The following SLC4A7 variants were observed in gnomAD, a reference collection of about 807,000 sequenced individuals.
SLC4A7 encodes sodium bicarbonate cotransporter 3.
A neutral mutation model predicts 137.6 loss-of-function variants in SLC4A7; 51 were observed. That is an observed-to-expected ratio of 0.37 (90% CI 0.30 to 0.47). The LOEUF (loss-of-function observed/expected upper bound fraction) is 0.47. Ranked by LOEUF, SLC4A7 falls within the 20% of genes least tolerant of loss-of-function variation. The pLI, the probability that SLC4A7 is intolerant of heterozygous loss-of-function variation, is 1.00. For missense variants in SLC4A7, 1,247 were observed against 1,525.4 expected (o/e 0.82, Z 3.04); for synonymous variants, 542 against 518.6 (o/e 1.05, Z -0.61).
chr3:27,390,775 G>A (rs2051458842), intron 21 of SLC4A7, among the ~76,000 whole-genome samples: 1 of 152,122 alleles, frequency 6.6e-6, no homozygotes, highest in African/African-American at 2.4e-5. Context: ...ATGAGAAGAG[G>A]TGGTCATGTA....
At chr3:27,392,422 T>A (rs536267448) in intron 20 of SLC4A7, among the ~76,000 whole-genome samples, 1 of 152,170 alleles carries the variant, frequency 6.6e-6, no homozygotes, top group South Asian at 2.1e-4. Context: ...AAGTGTACTA[T>A]AAGGAACAAC....
At chr3:27,430,672 A>C (rs2056182509) in intron 7 of SLC4A7, among the ~76,000 whole-genome samples, 1 of 151,892 alleles carries the variant, frequency 6.6e-6, no homozygotes, top group African/African-American at 2.4e-5. Context: ...CCACAAAAAA[A>C]TACAAAAAAT....
At chr3:27,469,129 A>G (rs1161179294) in intron 1 of SLC4A7, among the ~76,000 whole-genome samples, 1 of 151,982 alleles carries the variant, frequency 6.6e-6, no homozygotes, top group Non-Finnish European at 1.5e-5. Flanking sequence ...AAAAAAACTT[A>G]AATACTAGGT....
At chr3:27,420,873 A>T in intron 9 of SLC4A7, 86 bp from the exon 10 acceptor site, 1 of 885,532 alleles carries the variant, frequency 1.1e-6, no homozygotes, top group Non-Finnish European at 1.8e-6. Context: ...CCATTCAAAT[A>T]TAAACAAAGA....
Position 27,379,248 on chromosome 3 carries a change from C to T in SLC4A7, c.3698+1G>A. 1 of 1,494,784 alleles carries T rather than the reference C, an allele frequency of 6.7e-7. No individual in the cohort carries two copies. Among genetic ancestry groups the T allele is most frequent in the South Asian group, 1.2e-5 (1 of 83,276 alleles). 92.6% of individuals were successfully genotyped at this position (1,494,784 alleles called of 1,614,324 possible). A position where few individuals can be genotyped will look rare whatever the true frequency, so the allele number is the denominator to read the frequency against. On this transcript the variant is annotated splice_donor_variant, in intron 25 of 25. Coordinates refer to ENST00000454389, the MANE Select transcript of SLC4A7 (RefSeq NM_001321103.2). LOFTEE classifies it high-confidence loss of function. ...GAAAACACACAAATAGTTATAACTACCTCATGTTAGATCTGGTTACTTTGG... is the reference window on the plus strand; with the variant it reads ...GAAAACACACAAATAGTTATAACTATCTCATGTTAGATCTGGTTACTTTGG...
At chr3:27,437,994 C>T (rs1209712741) in intron 3 of SLC4A7, among the ~76,000 whole-genome samples, 1 of 151,992 alleles carries the variant, frequency 6.6e-6, no homozygotes, top group African/African-American at 2.4e-5. Context: ...GTCAGGAGCT[C>T]GAGACCAGCC....
At position 27,431,597 on chromosome 3, in the gene SLC4A7, T is replaced by C. The variant is rs1175856738; in HGVS notation, c.851A>G (p.Glu284Gly). ...LSASNLSLRG[E>G]SPLSLLLGHL... ...ACCAAGAAGAAGAGATAAAGGTGAT[T>C]CTCCTCTCAAGGAAAGGTTTGAGGC... The change falls in exon 7 of 26, where the codon GAA (glutamate) becomes GGA (glycine). Residue 284 changes from glutamate to glycine, a missense_variant. Around this residue, in one of 6 missense-constraint regions of SLC4A7, gnomAD observed 223 missense variants for 203.6 expected, o/e 1.10. Coordinates refer to ENST00000454389, the MANE Select transcript of SLC4A7 (RefSeq NM_001321103.2). 3 of 1,613,738 alleles carry C rather than the reference T, an allele frequency of 1.9e-6. No homozygotes were observed. Among genetic ancestry groups the C allele is most frequent in the Non-Finnish European group, 2.5e-6 (3 of 1,179,882 alleles).
chr3:27,385,892 C>T lies in SLC4A7; in HGVS notation c.3492G>A (p.Glu1164=). The T allele has an allele frequency of 6.5e-7, 1 of 1,537,208 alleles. No individual in the cohort carries two copies. Among genetic ancestry groups the T allele is most frequent in the Non-Finnish European group, 8.9e-7 (1 of 1,121,474 alleles). The change falls in exon 23 of 26, where the codon GAG becomes GAA. Residue 1164 remains glutamate, a splice_region_variant and synonymous_variant. Transcript: ENST00000454389. The part of the protein sequence containing the change: ...KEDDKKKKEK[E]EAERMLQDDD... ...AAGTTTAAAATTGTTATCTTTTTAC[C>T]TCTTTCTCTTTTTTCTTTTTGTCAT...
chr3:27,413,651 A>T (rs892866390), intron 11 of SLC4A7, among the ~76,000 whole-genome samples: 1 of 152,224 alleles, frequency 6.6e-6, no homozygotes, highest in African/African-American at 2.4e-5. Flanking sequence ...ATTTGATAAA[A>T]TTCTACATCA....
intron 7 of SLC4A7, among the ~76,000 whole-genome samples, chr3:27,430,049 C>T (rs1286018913): frequency 1.3e-5 from 2 of 151,534 alleles, no homozygotes; most frequent in Non-Finnish European, 2.9e-5. Context: ...GATACCGTCT[C>T]TACAAAAAAC....
rs946684966 is a variant in SLC4A7, at chr3:27,375,118, T to C, written c.*1646A>G. On this transcript the variant is annotated 3_prime_UTR_variant, in exon 26 of 26. Transcript: ENST00000454389. ...ACAATATGGTCTTAGAGGAGGACAT[T>C]ACATTAGTTAATAAATAGTTTATAA... 3 of 152,056 alleles carry C rather than the reference T, an allele frequency of 2.0e-5. No homozygotes were observed. Among genetic ancestry groups the C allele is most frequent in the African/African-American group, 7.2e-5 (3 of 41,448 alleles). The allele number at this position is 152,056 out of a possible 1,614,324, so 9.4% of individuals were successfully genotyped here. A position where few individuals can be genotyped will look rare whatever the true frequency, so the allele number is the denominator to read the frequency against.
At chr3:27,429,661 C>A (rs1212237317) in intron 7 of SLC4A7, among the ~76,000 whole-genome samples, 2 of 151,430 alleles carry the variant, frequency 1.3e-5, no homozygotes, top group Admixed American at 6.6e-5. Context: ...ACTAGCCTGG[C>A]CAACATGGTG....
At position 27,373,485 on chromosome 3, in the gene SLC4A7, A is replaced by G. The variant is rs187790295; in HGVS notation, c.*3279T>C. The G allele has an allele frequency of 1.3e-5, 2 of 152,316 alleles. No individual in the cohort carries two copies. Among genetic ancestry groups the G allele is most frequent in the Admixed American group, 1.3e-4 (2 of 15,308 alleles). 9.4% of individuals were successfully genotyped at this position (152,316 alleles called of 1,614,324 possible). A position where few individuals can be genotyped will look rare whatever the true frequency, so the allele number is the denominator to read the frequency against. On this transcript the variant is annotated 3_prime_UTR_variant, in exon 26 of 26. Coordinates refer to ENST00000454389, the MANE Select transcript of SLC4A7 (RefSeq NM_001321103.2). Reference sequence around the variant, plus strand: ...ATGTGATCTACATAAATAAATTTAAAACATTAAGTTATTTCATATAAACAT... The same window carrying G: ...ATGTGATCTACATAAATAAATTTAAGACATTAAGTTATTTCATATAAACAT...
chr3:27,470,305 G>A (rs1359023816), intron 1 of SLC4A7, among the ~76,000 whole-genome samples: 1 of 151,652 alleles, frequency 6.6e-6, no homozygotes, highest in Non-Finnish European at 1.5e-5. Context: ...TAATCTGTCG[G>A]CAGTTCTTTC....
At chr3:27,400,664 C>A (rs1438941477) in intron 16 of SLC4A7, 100 bp downstream of exon 16, 6 of 677,948 alleles carry the variant, frequency 8.9e-6, no homozygotes, top group Non-Finnish European at 1.5e-5. Context: ...AAACATACTA[C>A]CGATCCATCA....
chr3:27,482,755 G>C (rs2059769669), intron 1 of SLC4A7, among the ~76,000 whole-genome samples: 1 of 151,996 alleles, frequency 6.6e-6, no homozygotes, highest in African/African-American at 2.4e-5. Context: ...CTGGGCGACA[G>C]AGCGAGACTC....
chr3:27,452,460 A>G lies in SLC4A7; in HGVS notation c.99T>C (p.Thr33=), dbSNP rs751748261. The part of the protein sequence containing the change: ...DEEAVVDLGK[T]SSTVNTKFEK... Reference sequence around the variant, plus strand: ...CAAACTTGGTGTTCACAGTTGAGCTAGTTTTGCCAAGATCCACAACAGCTT... The same window carrying G: ...CAAACTTGGTGTTCACAGTTGAGCTGGTTTTGCCAAGATCCACAACAGCTT... The change falls in exon 2 of 26, where the codon ACT becomes ACC. Residue 33 remains threonine, a synonymous_variant. Transcript: ENST00000454389. The G allele has an allele frequency of 1.6e-5, 25 of 1,604,996 alleles. No homozygotes were observed. Among genetic ancestry groups the G allele is most frequent in the Non-Finnish European group, 2.1e-5 (25 of 1,178,110 alleles).
At chr3:27,383,587 A>G (rs145687491) in intron 23 of SLC4A7, among the ~76,000 whole-genome samples, 48 of 152,340 alleles carry the variant, frequency 3.2e-4, no homozygotes, top group Non-Finnish European at 5.7e-4. Flanking sequence ...TTATCACAAT[A>G]CAATATGGGC....
chr3:27,386,158 T>A, intron 22 of SLC4A7, 135 bp from the exon 23 acceptor site: 1 of 567,956 alleles, frequency 1.8e-6, no homozygotes, highest in Non-Finnish European at 3.0e-6. Flanking sequence ...TCATTTTGTT[T>A]CAAAGGAATT....
Sources: gnomAD v4.1 joint callset for allele counts (sites outside exome capture counted in the v4.1 genomes callset) on GRCh38, gnomAD v4.1.1 for gene constraint, gnomAD v4.1.1 regional missense constraint, MANE v1.5 for transcripts, NCBI Gene and HGNC (gene_info 2026-07-23, HGNC 2026-07-21) for gene names.